Variants in TRAM2 observed in about 807,000 individuals in gnomAD.
TRAM2 encodes translocating chain-associated membrane protein 2.
Under a neutral mutation model 51.0 loss-of-function variants are expected in TRAM2, and 12 were observed. The observed-to-expected ratio is 0.24, with a 90% CI of 0.15 to 0.38. TRAM2 has a LOEUF of 0.38. TRAM2 is among the 10% of genes least tolerant of loss of function. TRAM2 has a pLI of 1.00. For synonymous variants in TRAM2, 175 were observed against 179.4 expected, an observed-to-expected ratio of 0.98 and a Z score of 0.20; for missense variants, 361 against 462.0, an observed-to-expected ratio of 0.78 and a Z score of 2.00.
intron 5 of TRAM2, among the ~76,000 whole-genome samples, chr6:52,508,624 C>T (rs1201043647): frequency 6.6e-6 from 1 of 152,234 alleles, no homozygotes; most frequent in East Asian, 1.9e-4. Context: ...GAGCTGATTA[C>T]AGAGCACTGT....
In TRAM2 at chr6:52,534,792, T is replaced by C. The variant is rs749353365; in HGVS notation, c.184+991A>G. On this transcript the variant is annotated intron_variant, in intron 2 of 10. Coordinates refer to ENST00000182527, the MANE Select transcript of TRAM2 (RefSeq NM_012288.4). ...AGTGAGCAGCAGCTACTCCTTTAGA[T>C]AGACCCTCTCCCCTGTCCAGTTCAG... 4.6e-5 allele frequency among the ~76,000 whole-genome samples: 7 copies of C among 152,220 alleles called. No homozygotes were observed. The East Asian group carries it at 7.7e-4, about 17-fold the overall frequency.
intron 2 of TRAM2, among the ~76,000 whole-genome samples, chr6:52,521,343 T>C (rs1766669379): frequency 6.6e-6 from 1 of 152,134 alleles, no homozygotes; most frequent in African/African-American, 2.4e-5. Context: ...ACAAACAAAC[T>C]GATGTTTTTG....
intron 2 of TRAM2, among the ~76,000 whole-genome samples, chr6:52,527,253 C>T (rs1766799041): frequency 6.6e-6 from 1 of 151,794 alleles, no homozygotes; most frequent in Admixed American, 6.6e-5. Flanking sequence ...TGGCGGGCGC[C>T]TGCAGTCCTT....
chr6:52,569,402 A>AG (rs1562490856), intron 1 of TRAM2, among the ~76,000 whole-genome samples: 20 of 151,716 alleles, frequency 1.3e-4, no homozygotes, highest in Non-Finnish European at 2.6e-4. Context: ...AAAAAAAAAA[A>AG]AAAAAGAAAG....
At chr6:52,560,388 T>C (rs1007687372) in intron 1 of TRAM2, among the ~76,000 whole-genome samples, 3 of 152,184 alleles carry the variant, frequency 2.0e-5, no homozygotes, top group Non-Finnish European at 4.4e-5. Context: ...TATATAAACA[T>C]AAAGTTTCTT....
At chr6:52,563,989 G>A (rs113485233) in intron 1 of TRAM2, among the ~76,000 whole-genome samples, 261 of 151,628 alleles carry the variant, frequency 1.7e-3, no homozygotes, top group African/African-American at 6.2e-3. Context: ...TTCCTAATGT[G>A]CTCAAAAGCA....
intron 7 of TRAM2, among the ~76,000 whole-genome samples, chr6:52,506,561 T>A (rs1581867790): frequency 1.3e-5 from 2 of 152,354 alleles, no homozygotes; most frequent in South Asian, 4.1e-4. Context: ...CCGAGGTACA[T>A]GCAGAAGCAG....
chr6:52,527,203 A>AC (rs201704371), intron 2 of TRAM2, among the ~76,000 whole-genome samples: 25,122 of 151,474 alleles, frequency 0.17, 2,151 homozygotes, highest in African/African-American at 0.19. Context: ...ACATGGTGAA[A>AC]CCCATCCCTA....
intron 1 of TRAM2, among the ~76,000 whole-genome samples, chr6:52,551,992 G>A (rs977511408): frequency 2.0e-5 from 3 of 152,264 alleles, no homozygotes; most frequent in African/African-American, 4.8e-5. Context: ...GCAGCTGGCC[G>A]CTCGAGAAGG....
chr6:52,526,148 GACAGACACAC>G (rs1233018733), intron 2 of TRAM2, among the ~76,000 whole-genome samples: 2,105 of 146,482 alleles, frequency 0.014, 39 homozygotes, highest in Non-Finnish European at 0.019. Context: ...AATACACACA[GACAGACACAC>G]ACACACACAC....
chr6:52,518,331 G>C (rs1360458659), intron 2 of TRAM2, among the ~76,000 whole-genome samples: 1 of 152,226 alleles, frequency 6.6e-6, no homozygotes, highest in Non-Finnish European at 1.5e-5. Flanking sequence ...GACTGCTGGG[G>C]GCGGAGGGGA....
intron 1 of TRAM2, among the ~76,000 whole-genome samples, chr6:52,558,723 C>CCTCA (rs1473667712): frequency 1.3e-5 from 2 of 152,070 alleles, no homozygotes; most frequent in African/African-American, 4.8e-5. Context: ...CTCCCATACA[C>CCTCA]CCTGTTAATG....
intron 1 of TRAM2, among the ~76,000 whole-genome samples, chr6:52,547,063 A>G (rs761935248): frequency 6.6e-6 from 1 of 152,142 alleles, no homozygotes. Context: ...GTGAGCATGG[A>G]GTGGGAGTGT....
chr6:52,563,619 T>C (rs1434586793), intron 1 of TRAM2, among the ~76,000 whole-genome samples: 2 of 140,516 alleles, frequency 1.4e-5, no homozygotes, highest in African/African-American at 5.4e-5. Flanking sequence ...CTCAGGAGGC[T>C]GAGGCAGGAG....
At chr6:52,511,563 T>A (rs1294213886) in intron 4 of TRAM2, among the ~76,000 whole-genome samples, 1 of 151,912 alleles carries the variant, frequency 6.6e-6, no homozygotes, top group Non-Finnish European at 1.5e-5. Context: ...AAGGCAGAGG[T>A]TTTACAGTGC....
chr6:52,529,826 G>A (rs1221955627), intron 2 of TRAM2: 1 of 152,232 alleles, frequency 6.6e-6, no homozygotes, highest in Non-Finnish European at 1.5e-5. Flanking sequence ...TTCTAGATCA[G>A]AAAGGAAGCC....
intron 1 of TRAM2, among the ~76,000 whole-genome samples, chr6:52,537,343 G>A (rs1192922329): frequency 2.0e-5 from 3 of 152,092 alleles, no homozygotes; most frequent in Non-Finnish European, 4.4e-5. Flanking sequence ...CAGTGTTCTC[G>A]ACCTACCTTC....
At chr6:52,511,437 C>T (rs1766450404) in intron 4 of TRAM2, among the ~76,000 whole-genome samples, 1 of 152,200 alleles carries the variant, frequency 6.6e-6, no homozygotes, top group Non-Finnish European at 1.5e-5. Flanking sequence ...CGAGTTGGGC[C>T]ACAAGCCTTC....
At chr6:52,526,192 C>T (rs1033621197) in intron 2 of TRAM2, among the ~76,000 whole-genome samples, 1 of 116,118 alleles carries the variant, frequency 8.6e-6, no homozygotes, top group East Asian at 2.2e-4. Context: ...CACACACACA[C>T]ACACACACAC....
Sources: allele counts gnomAD v4.1 joint callset (sites outside exome capture counted in the v4.1 genomes callset), GRCh38; gene constraint gnomAD v4.1.1; transcripts MANE v1.5; gene names NCBI Gene and HGNC (gene_info 2026-07-23, HGNC 2026-07-21).